The following STARD3 variants were observed in gnomAD, a reference collection of about 807,000 sequenced individuals.
The protein encoded by STARD3 is StAR related lipid transfer domain containing 3.
Under a neutral mutation model 62.0 loss-of-function variants are expected in STARD3, and 39 were observed. The ratio of observed to expected loss-of-function variants is 0.63; its 90% CI spans 0.49 to 0.82. The LOEUF (loss-of-function observed/expected upper bound fraction) is 0.82. Among genes scored for constraint, STARD3 ranks in the 40% least tolerant of loss-of-function variants. STARD3 has a pLI of 0.00. For missense variants in STARD3, 543 were observed against 584.5 expected (o/e 0.93, Z 0.73); for synonymous variants, 229 against 242.4 (o/e 0.94, Z 0.51).
chr17:39,652,629 C>G (rs1440718677), intron 1 of STARD3: 1 of 152,614 alleles, frequency 6.6e-6, no homozygotes, highest in African/African-American at 2.4e-5. Flanking sequence ...CAGGACAGGG[C>G]AGCTGTATTG....
At chr17:39,641,115 C>G (rs1597786569) in intron 1 of STARD3, among the ~76,000 whole-genome samples, 2 of 151,664 alleles carry the variant, frequency 1.3e-5, no homozygotes, top group East Asian at 3.9e-4. Flanking sequence ...GGCTCAACTA[C>G]TTGGGAACCT....
rs756038246 is a variant in STARD3, at chr17:39,659,040, GT to G, written c.647-7del. On this transcript the variant is annotated splice_polypyrimidine_tract_variant and intron_variant, in intron 7 of 14. Coordinates refer to ENST00000336308, the MANE Select transcript of STARD3 (RefSeq NM_006804.4). The stretch of plus-strand genomic sequence containing the variant: ...CCCCTTGCCATTGTCATCTGTGCCT[GT>G]TTTCTGCAGGGTCTGACAATGAATC... The G allele has an allele frequency of 1.1e-5, 18 of 1,614,144 alleles. No homozygotes were observed. In the South Asian group the frequency reaches 2.0e-4, roughly 18 times the overall value.
At chr17:39,644,345 AGTG>A (rs1056899882) in intron 1 of STARD3, among the ~76,000 whole-genome samples, 1 of 152,186 alleles carries the variant, frequency 6.6e-6, no homozygotes, top group South Asian at 2.1e-4. Flanking sequence ...GGAGACTCGA[AGTG>A]GTGGTGGTAG....
chr17:39,649,673 C>T (rs2057058166), intron 1 of STARD3, among the ~76,000 whole-genome samples: 1 of 151,968 alleles, frequency 6.6e-6, no homozygotes, highest in Admixed American at 6.6e-5. Flanking sequence ...TCAAGACCAG[C>T]CTGGCCAATA....
chr17:39,646,864 T>G (rs2057030954), intron 1 of STARD3, among the ~76,000 whole-genome samples: 1 of 152,156 alleles, frequency 6.6e-6, no homozygotes, highest in African/African-American at 2.4e-5. Context: ...GGCACCTGAC[T>G]TCCCCCCTCC....
chr17:39,652,187 CCT>C (rs1567857114), intron 1 of STARD3, among the ~76,000 whole-genome samples: 1 of 152,144 alleles, frequency 6.6e-6, no homozygotes, highest in African/African-American at 2.4e-5. Context: ...ACTGGGCTGG[CCT>C]CCAGAGTGGC....
intron 2 of STARD3, among the ~76,000 whole-genome samples, chr17:39,656,263 C>T (rs933110670): frequency 6.6e-6 from 1 of 152,170 alleles, no homozygotes; most frequent in African/African-American, 2.4e-5. Flanking sequence ...CCCAGAGTCC[C>T]TGTGTCCTCC....
At chr17:39,653,799 G>A in intron 2 of STARD3, 49 bp downstream of exon 2, 3 of 1,605,774 alleles carry the variant, frequency 1.9e-6, no homozygotes, top group South Asian at 2.2e-5. Flanking sequence ...GGCCACCCGG[G>A]CCTCAGTTTG....
intron 1 of STARD3, among the ~76,000 whole-genome samples, chr17:39,649,329 A>G (rs1283354063): frequency 6.6e-6 from 1 of 152,228 alleles, no homozygotes; most frequent in African/African-American, 2.4e-5. Flanking sequence ...ACGGGAATAT[A>G]TATATGCGCT....
Position 39,659,469 on chromosome 17 carries a change from G to A in STARD3, c.711G>A (p.Glu237=), listed in dbSNP as rs751687725. 6.2e-7 allele frequency: 1 copy of A among 1,614,112 alleles called. No individual in the cohort carries two copies. Among genetic ancestry groups the A allele is most frequent in the Non-Finnish European group, 8.5e-7 (1 of 1,180,008 alleles). The change falls in exon 9 of 15, where the codon GAG becomes GAA. Residue 237 remains glutamate, a synonymous_variant. Coordinates refer to ENST00000336308, the MANE Select transcript of STARD3 (RefSeq NM_006804.4). ...GKKSFSAQER[E]YIRQGKEATA... ...CTCCTGCTTCCGTCCAGGAGCGGGA[G>A]TACATCCGCCAGGGGAAGGAGGCCA...
At chr17:39,638,721 G>A (rs1034362251) in intron 1 of STARD3, among the ~76,000 whole-genome samples, 7 of 152,222 alleles carry the variant, frequency 4.6e-5, no homozygotes, top group African/African-American at 1.7e-4. Flanking sequence ...GATGAAGTCA[G>A]TGCCTCAATT....
intron 9 of STARD3, chr17:39,659,796 C>G (rs2057175208): frequency 2.1e-6 from 1 of 472,888 alleles, no homozygotes; most frequent in Non-Finnish European, 3.8e-6. Context: ...CCCCTTGGCT[C>G]CAGGCTTTGA....
intron 14 of STARD3, 52 bp downstream of exon 14, chr17:39,662,396 G>A (rs780902630): frequency 1.3e-6 from 2 of 1,549,372 alleles, no homozygotes; most frequent in Non-Finnish European, 1.8e-6. Context: ...AGGGGACCCT[G>A]CTGCTGACTT....
At position 39,660,359 on chromosome 17, in the gene STARD3, C is replaced by T; in HGVS notation, c.859-72C>T. 1 of 1,610,250 alleles carries T rather than the reference C, an allele frequency of 6.2e-7. No homozygotes were observed. On this transcript the variant is annotated intron_variant, in intron 10 of 14. Coordinates refer to ENST00000336308, the MANE Select transcript of STARD3 (RefSeq NM_006804.4). This position sits in a 1 kb window ranked among gnomAD's most constrained non-coding sequence, Gnocchi z 4.8. ...CCGAGGGGCCCTCTGGTGGGTGCCC[C>T]CCACCAAGAGGGAAGGGTTGGTCTG...
chr17:39,656,969 G>T, intron 2 of STARD3, 39 bp from the exon 3 acceptor site: 1 of 1,609,608 alleles, frequency 6.2e-7, no homozygotes, highest in Non-Finnish European at 8.5e-7. Flanking sequence ...CCAGGCCCTT[G>T]CTTCTACCTG....
intron 2 of STARD3, chr17:39,656,774 AGCCCT>A: frequency 1.9e-5 from 10 of 525,236 alleles, no homozygotes; most frequent in Non-Finnish European, 3.4e-5. Context: ...GCTGGAAGCT[AGCCCT>A]GCCCATCGGG....
intron 1 of STARD3, among the ~76,000 whole-genome samples, chr17:39,645,106 AG>A (rs2057013269): frequency 6.6e-6 from 1 of 152,156 alleles, no homozygotes; most frequent in Non-Finnish European, 1.5e-5. Flanking sequence ...GTCTGCGGGA[AG>A]GGGCAGCCGA....
At position 39,653,544 on chromosome 17, in the gene STARD3, C is replaced by A; in HGVS notation, c.13C>A (p.Pro5Thr). The A allele has an allele frequency of 6.2e-7, 1 of 1,604,180 alleles. No homozygotes were observed. Reference sequence around the variant, plus strand: ...GGGGCCCACCAGGATGAGCAAGCTGCCCAGGGAGCTGACCCGAGACTTGGA... The same window carrying A: ...GGGGCCCACCAGGATGAGCAAGCTGACCAGGGAGCTGACCCGAGACTTGGA... MSKL[P>T]RELTRDLERS... is the part of the protein sequence containing the mutation. Residue 5 changes from proline to threonine, a missense_variant, in exon 2 of 15, where the codon CCC (proline) becomes ACC (threonine). By Grantham distance (38) the Pro-to-Thr change is conservative. Transcript: ENST00000336308.
chr17:39,662,729 T>G, intron 14 of STARD3, 75 bp from the exon 15 acceptor site: 1 of 1,409,964 alleles, frequency 7.1e-7, no homozygotes, highest in Non-Finnish European at 9.7e-7. Flanking sequence ...AGAGCCCCCC[T>G]GCTGGTGCCA....
Sources: gnomAD v4.1 joint callset for allele counts (sites outside exome capture counted in the v4.1 genomes callset) on GRCh38, gnomAD v4.1.1 for gene constraint, Gnocchi (gnomAD v3.1) non-coding constraint, MANE v1.5 for transcripts, NCBI Gene and HGNC (gene_info 2026-07-23, HGNC 2026-07-21) for gene names.